Variants in WIPF1 observed in about 807,000 individuals in gnomAD.
WIPF1 encodes the protein WAS/WASL-interacting protein family member 1.
Under a neutral mutation model 35.4 loss-of-function variants are expected in WIPF1, and 13 were observed. The observed-to-expected ratio is 0.37, with a 90% CI of 0.24 to 0.58. WIPF1 has a LOEUF of 0.58. Among genes scored for constraint, WIPF1 ranks in the 20% least tolerant of loss-of-function variants. The pLI is 0.74. For synonymous variants in WIPF1, 267 were observed against 266.3 expected, an observed-to-expected ratio of 1.00 and a Z score of -0.02; for missense variants, 591 against 667.0, an observed-to-expected ratio of 0.89 and a Z score of 1.25.
chr2:174,611,161 G>A (rs755259679), intron 1 of WIPF1, among the ~76,000 whole-genome samples: 15 of 152,064 alleles, frequency 9.9e-5, no homozygotes, highest in African/African-American at 3.1e-4. Flanking sequence ...TCCTATCTGC[G>A]TTGATGATGT....
chr2:174,570,050 G>C lies in WIPF1; in HGVS notation c.1129+1626C>G, dbSNP rs564004817. Among the ~76,000 whole-genome samples, 4 of 152,282 alleles carry C rather than the reference G, an allele frequency of 2.6e-5. No individual in the cohort carries two copies. The East Asian group carries it at 5.8e-4, about 22-fold the overall frequency. On this transcript the variant is annotated intron_variant, in intron 5 of 7. Coordinates refer to ENST00000679041, the MANE Select transcript of WIPF1 (RefSeq NM_001375834.1). ...GGAATTAATCCAAAGGAAATACAGA[G>C]ATGTGTACACATATTTTGCTACAAA...
rs1430081823 is a variant in WIPF1, at chr2:174,572,161, G to C, written c.644C>G (p.Pro215Arg). The change falls in exon 5 of 8, where the codon CCC becomes CGC. Residue 215 changes from proline to arginine, a missense_variant. Pro to Arg is a moderately radical substitution (Grantham distance 103). Coordinates refer to ENST00000679041, the MANE Select transcript of WIPF1 (RefSeq NM_001375834.1). Reference sequence around the variant, plus strand: ...AGGGAAAGGGGGAGGAGTGGGCCCGGGGCTGGGCTGCCTGGGGCCTCCGGG... The same window carrying C: ...AGGGAAAGGGGGAGGAGTGGGCCCGCGGCTGGGCTGCCTGGGGCCTCCGGG... ...PVPGGPRQPS[P>R]GPTPPPFPGN... is the part of the protein sequence containing the mutation. The C allele has an allele frequency of 3.1e-6, 5 of 1,613,780 alleles. No individual in the cohort carries two copies. Among genetic ancestry groups the C allele is most frequent in the Non-Finnish European group, 4.2e-6 (5 of 1,179,904 alleles).
chr2:174,644,299 G>A (rs749358200), intron 1 of WIPF1, among the ~76,000 whole-genome samples: 11 of 152,190 alleles, frequency 7.2e-5, no homozygotes, highest in Non-Finnish European at 1.5e-4. Context: ...AATTGGTAAA[G>A]TCATTCTGTT....
upstream of WIPF1, among the ~76,000 whole-genome samples, chr2:174,599,817 ATCTCTC>A (rs60827805): frequency 2.6e-4 from 36 of 139,442 alleles, no homozygotes; most frequent in South Asian, 7.1e-4. Flanking sequence ...CTCTCTAGCT[ATCTCTC>A]TCTCTCTCTC....
chr2:174,589,107 C>T (rs945755926), intron 1 of WIPF1, among the ~76,000 whole-genome samples: 1 of 152,250 alleles, frequency 6.6e-6, no homozygotes, highest in Non-Finnish European at 1.5e-5. Flanking sequence ...TGCCACCTCA[C>T]TCAGCCCCTG....
At chr2:174,618,023 T>A (rs1272657450) in intron 1 of WIPF1, among the ~76,000 whole-genome samples, 1 of 152,212 alleles carries the variant, frequency 6.6e-6, no homozygotes, top group African/African-American at 2.4e-5. Flanking sequence ...AGGAATCGAA[T>A]TGGTATGCTA....
At chr2:174,610,140 C>T (rs1686299824) in intron 1 of WIPF1, among the ~76,000 whole-genome samples, 1 of 152,188 alleles carries the variant, frequency 6.6e-6, no homozygotes, top group Non-Finnish European at 1.5e-5. Context: ...AATACCTTAT[C>T]AGGCCACAGG....
rs1405096236 is a variant in WIPF1, at chr2:174,571,736, G to A, written c.1069C>T (p.Leu357Phe). The A allele has an allele frequency of 3.1e-6, 5 of 1,614,210 alleles. No homozygotes were observed. The highest frequency in any genetic ancestry group is 4.2e-6 in the Non-Finnish European group (5 of 1,180,036). Residue 357 changes from leucine (L) to phenylalanine (F), a missense_variant, in exon 5 of 8, where the codon CTT becomes TTT. Leu to Phe is a conservative substitution (Grantham distance 22). Transcript: ENST00000679041. This position sits in a 1 kb window ranked among gnomAD's most constrained non-coding sequence, Gnocchi z 4.6. ...PLPSPGRSGPLPPPPSERPPP... is the reference protein window; with the variant it reads ...PLPSPGRSGPFPPPPSERPPP... Reference sequence around the variant, plus strand: ...GGTCTCTCACTGGGCGGGGGAGGAAGAGGACCTGAACGTCCTGGCGAAGGT... The same window carrying A: ...GGTCTCTCACTGGGCGGGGGAGGAAAAGGACCTGAACGTCCTGGCGAAGGT...
chr2:174,650,488 C>T (rs1034425597), intron 1 of WIPF1, among the ~76,000 whole-genome samples: 22 of 152,178 alleles, frequency 1.4e-4, no homozygotes, highest in African/African-American at 3.9e-4. Context: ...CACCGGGATA[C>T]GAAACCACCT....
chr2:174,631,947 T>G (rs1687034527), intron 1 of WIPF1, among the ~76,000 whole-genome samples: 1 of 152,222 alleles, frequency 6.6e-6, no homozygotes, highest in Non-Finnish European at 1.5e-5. Context: ...AGGAGAGGCC[T>G]GCCTATGTTG....
chr2:174,595,088 C>G (rs1382887163), intron 1 of WIPF1, among the ~76,000 whole-genome samples: 1 of 5,068 alleles, frequency 2.0e-4, no homozygotes, highest in Non-Finnish European at 4.1e-4. Flanking sequence ...CTCATCTCTA[C>G]AAAAAAAAAA....
intron 1 of WIPF1, among the ~76,000 whole-genome samples, chr2:174,666,760 G>A (rs34661753): frequency 0.21 from 32,155 of 152,254 alleles, 3,717 homozygotes; most frequent in Middle Eastern, 0.29. Flanking sequence ...GGCTGATGCT[G>A]ACACAGAATG....
intron 1 of WIPF1, among the ~76,000 whole-genome samples, chr2:174,647,419 G>A (rs1574858799): frequency 6.6e-6 from 1 of 151,740 alleles, no homozygotes; most frequent in African/African-American, 2.4e-5. Context: ...TGTCACCTAG[G>A]CTGGAATGCA....
intron 1 of WIPF1, among the ~76,000 whole-genome samples, chr2:174,641,291 A>G (rs940087175): frequency 2.6e-5 from 4 of 152,204 alleles, no homozygotes; most frequent in African/African-American, 4.8e-5. Context: ...TGAGTCCATT[A>G]TCATGCCTGG....
chr2:174,576,361 T>G (rs184574389), intron 3 of WIPF1, among the ~76,000 whole-genome samples: 215 of 152,342 alleles, frequency 1.4e-3, no homozygotes, highest in Non-Finnish European at 2.1e-3. Flanking sequence ...TAAGCCTGCT[T>G]TTTTCATTTA....
intron 4 of WIPF1, among the ~76,000 whole-genome samples, chr2:174,572,768 G>A (rs988500312): frequency 2.6e-5 from 4 of 152,140 alleles, no homozygotes; most frequent in African/African-American, 9.7e-5. Flanking sequence ...ATTATGAGAG[G>A]ACAAGAACAA....
chr2:174,604,463 G>T (rs577995685), intron 1 of WIPF1, among the ~76,000 whole-genome samples: 1 of 152,222 alleles, frequency 6.6e-6, no homozygotes, highest in East Asian at 1.9e-4. Flanking sequence ...GGCATTTAAT[G>T]AATTAGAATT....
At chr2:174,585,166 A>G (rs1368035860) in intron 2 of WIPF1, among the ~76,000 whole-genome samples, 1 of 152,212 alleles carries the variant, frequency 6.6e-6, no homozygotes, top group African/African-American at 2.4e-5. Flanking sequence ...CCCAGAAGTT[A>G]AAGGCCAGAC....
At chr2:174,669,791 A>G (rs1005891930) in intron 1 of WIPF1, among the ~76,000 whole-genome samples, 3 of 152,350 alleles carry the variant, frequency 2.0e-5, no homozygotes, top group East Asian at 1.9e-4. Flanking sequence ...CAGGAGAATC[A>G]TTTGAGCCCA....
Sources: gnomAD v4.1 joint callset for allele counts (sites outside exome capture counted in the v4.1 genomes callset) on GRCh38, gnomAD v4.1.1 for gene constraint, Gnocchi (gnomAD v3.1) non-coding constraint, MANE v1.5 for transcripts, NCBI Gene and HGNC (gene_info 2026-07-23, HGNC 2026-07-21) for gene names.